Variants in ATE1 observed in about 807,000 individuals in gnomAD.
ATE1 encodes the protein arginyl-tRNA--protein transferase 1.
Under a neutral mutation model 70.5 loss-of-function variants are expected in ATE1, and 36 were observed. The ratio of observed to expected loss-of-function variants is 0.51; its 90% CI spans 0.39 to 0.67. The LOEUF is 0.67. ATE1 is among the 30% of genes least tolerant of loss of function. ATE1 has a pLI of 0.00. For missense variants in ATE1, 593 were observed against 629.5 expected (o/e 0.94, Z 0.62); for synonymous variants, 232 against 219.3 (o/e 1.06, Z -0.51).
chr10:121,860,962 C>G (rs924659137), intron 8 of ATE1, among the ~76,000 whole-genome samples: 1 of 152,174 alleles, frequency 6.6e-6, no homozygotes, highest in Non-Finnish European at 1.5e-5. Flanking sequence ...AAAAATACAT[C>G]CCACAGTGAC....
chr10:121,897,697 G>A (rs977816467), intron 7 of ATE1, among the ~76,000 whole-genome samples: 7 of 151,984 alleles, frequency 4.6e-5, no homozygotes, highest in South Asian at 2.1e-4. Context: ...GTGGTGGCAC[G>A]CGCCTGTAGT....
chr10:121,762,467 T>A (rs1040624481), intron 11 of ATE1, among the ~76,000 whole-genome samples: 1 of 152,298 alleles, frequency 6.6e-6, no homozygotes, highest in South Asian at 2.1e-4. Flanking sequence ...CACTGTAACA[T>A]TGATGAAAAA....
At chr10:121,864,175 T>C (rs1438652559) in intron 8 of ATE1, among the ~76,000 whole-genome samples, 2 of 152,140 alleles carry the variant, frequency 1.3e-5, no homozygotes, top group Non-Finnish European at 2.9e-5. Flanking sequence ...TCCCCAACCT[T>C]TTTGGCACCA....
chr10:121,762,268 T>C (rs1945073029), intron 11 of ATE1, among the ~76,000 whole-genome samples: 1 of 152,218 alleles, frequency 6.6e-6, no homozygotes, highest in South Asian at 2.1e-4. Context: ...TGTTGGAAGC[T>C]ACGTAGTGTC....
intron 8 of ATE1, among the ~76,000 whole-genome samples, chr10:121,854,784 C>T (rs1949184347): frequency 6.6e-6 from 1 of 152,178 alleles, no homozygotes; most frequent in African/African-American, 2.4e-5. Context: ...AATAGAGCAG[C>T]CTGGCGAAAA....
At chr10:121,858,182 T>C (rs1469164317) in intron 8 of ATE1, among the ~76,000 whole-genome samples, 1 of 152,200 alleles carries the variant, frequency 6.6e-6, no homozygotes, top group African/African-American at 2.4e-5. Context: ...TTCTTTTGTG[T>C]ATATATGCAC....
intron 5 of ATE1, among the ~76,000 whole-genome samples, chr10:121,906,031 A>T (rs1000882768): frequency 2.0e-5 from 3 of 152,174 alleles, no homozygotes; most frequent in African/African-American, 7.2e-5. Flanking sequence ...ATTTAAATAG[A>T]GTTTAGGAGA....
intron 11 of ATE1, among the ~76,000 whole-genome samples, chr10:121,760,780 A>G (rs927519179): frequency 1.3e-5 from 2 of 152,272 alleles, no homozygotes; most frequent in African/African-American, 4.8e-5. Context: ...TACTGCTATC[A>G]AACAGCACTG....
chr10:121,922,360 C>T lies in ATE1; in HGVS notation c.222G>A (p.Gln74=), dbSNP rs543024552. Residue 74 remains glutamine, a synonymous_variant, in exon 3 of 12, where the codon CAG becomes CAA. Coordinates refer to ENST00000224652, the MANE Select transcript of ATE1 (RefSeq NM_001001976.3). Reference sequence around the variant, plus strand: ...ATTAAAATTCTTACCTTATTGTGTACTGAGGACAACATGTTTGATTCATGA... The same window carrying T: ...ATTAAAATTCTTACCTTATTGTGTATTGAGGACAACATGTTTGATTCATGA... The part of the protein sequence containing the change: ...KPVMNQTCCP[Q]YTIRCRPLQF... 23 of 1,594,116 alleles carry T rather than the reference C, an allele frequency of 1.4e-5. No individual in the cohort carries two copies. The South Asian group carries it at 1.9e-4, about 13-fold the overall frequency.
At chr10:121,810,158 T>C (rs537562624) in intron 10 of ATE1, among the ~76,000 whole-genome samples, 1 of 152,368 alleles carries the variant, frequency 6.6e-6, no homozygotes, top group East Asian at 1.9e-4. Flanking sequence ...TTTAAATATC[T>C]ATTCCTTTGC....
At chr10:121,872,091 G>A (rs1000137094) in intron 7 of ATE1, among the ~76,000 whole-genome samples, 17 of 152,108 alleles carry the variant, frequency 1.1e-4, no homozygotes, top group African/African-American at 3.9e-4. Flanking sequence ...AGGGTTCTAC[G>A]CTTTTCCCCA....
At chr10:121,856,402 C>T (rs1949251814) in intron 8 of ATE1, among the ~76,000 whole-genome samples, 1 of 151,796 alleles carries the variant, frequency 6.6e-6, no homozygotes, top group Non-Finnish European at 1.5e-5. Flanking sequence ...TGGTGGTGGG[C>T]ACCTGTAATA....
At chr10:121,829,378 C>T (rs1264657573) in intron 10 of ATE1, among the ~76,000 whole-genome samples, 3 of 151,530 alleles carry the variant, frequency 2.0e-5, no homozygotes, top group African/African-American at 2.4e-5. Context: ...GAGCAGAGAT[C>T]GTGCCACTGC....
intron 10 of ATE1, among the ~76,000 whole-genome samples, chr10:121,823,187 G>A (rs993308369): frequency 7.9e-5 from 12 of 152,280 alleles, no homozygotes; most frequent in African/African-American, 2.9e-4. Flanking sequence ...CTACTCAGTA[G>A]GCTGAGGCAG....
chr10:121,818,256 C>CAAAAAA (rs66792557), intron 10 of ATE1, among the ~76,000 whole-genome samples: 99 of 63,254 alleles, frequency 1.6e-3, no homozygotes, highest in African/African-American at 2.8e-3. Flanking sequence ...GACTCCATCT[C>CAAAAAA]AAAAAAAAAA....
chr10:121,861,299 G>GT (rs1590540613), intron 8 of ATE1, among the ~76,000 whole-genome samples: 1 of 151,994 alleles, frequency 6.6e-6, no homozygotes, highest in South Asian at 2.1e-4. Flanking sequence ...TTAATGTTTA[G>GT]TTTTTTATTC....
chr10:121,825,108 C>T (rs1449133621), intron 10 of ATE1, among the ~76,000 whole-genome samples: 4 of 151,504 alleles, frequency 2.6e-5, no homozygotes, highest in East Asian at 1.9e-4. Context: ...ATAATTTCCA[C>T]CAACCACCTT....
At chr10:121,858,797 T>C (rs954005511) in intron 8 of ATE1, among the ~76,000 whole-genome samples, 1 of 151,352 alleles carries the variant, frequency 6.6e-6, no homozygotes, top group Non-Finnish European at 1.5e-5. Flanking sequence ...TAAGAAGGTA[T>C]AAAAGCGATA....
In ATE1 at chr10:121,809,350, G is replaced by A. The variant is rs140599514; in HGVS notation, c.1258-19061C>T. Among the ~76,000 whole-genome samples the A allele has an allele frequency of 7.3e-3, 1,111 of 151,258 alleles. 9 individuals carry two copies. The highest frequency in any genetic ancestry group is 0.042 in the Middle Eastern group (12 of 286). On this transcript the variant is annotated intron_variant, in intron 10 of 11. Coordinates refer to ENST00000224652, the MANE Select transcript of ATE1 (RefSeq NM_001001976.3). ...CAATGACAAGAGCAGCTGGTTTACA[G>A]TTTAGCATACAACTCAGCTACACGA... is the stretch of plus-strand genomic sequence containing the variant.
Sources: allele counts gnomAD v4.1 joint callset (sites outside exome capture counted in the v4.1 genomes callset), GRCh38; gene constraint gnomAD v4.1.1; transcripts MANE v1.5; gene names NCBI Gene and HGNC (gene_info 2026-07-23, HGNC 2026-07-21).